KCNK10: variants seen among roughly 807,000 people sequenced by gnomAD.
KCNK10 encodes the protein potassium channel subfamily K member 10.
Under a neutral mutation model 47.7 loss-of-function variants are expected in KCNK10, and 25 were observed. The ratio of observed to expected loss-of-function variants is 0.52; its 90% CI spans 0.38 to 0.73. The LOEUF (loss-of-function observed/expected upper bound fraction) is 0.73, where lower values mean the gene tolerates loss of function less well. Among genes scored for constraint, KCNK10 ranks in the 30% least tolerant of loss-of-function variants. KCNK10 has a pLI of 0.00. For synonymous variants in KCNK10, 303 were observed against 285.6 expected, an observed-to-expected ratio of 1.06 and a Z score of -0.61; for missense variants, 563 against 714.5, an observed-to-expected ratio of 0.79 and a Z score of 2.42.
chr14:88,240,534 G>A (rs932699650), intron 3 of KCNK10, among the ~76,000 whole-genome samples, 169 bp downstream of exon 3: 5 of 152,034 alleles, frequency 3.3e-5, no homozygotes, highest in Non-Finnish European at 5.9e-5. Flanking sequence ...ATTATGCTTT[G>A]GCTTTTGTTG....
At chr14:88,281,547 C>A (rs1887649097) in intron 1 of KCNK10, among the ~76,000 whole-genome samples, 1 of 151,982 alleles carries the variant, frequency 6.6e-6, no homozygotes, top group Non-Finnish European at 1.5e-5. Flanking sequence ...ACTGAAATAT[C>A]GGCTTTTCAG....
chr14:88,298,433 G>A (rs1007452583), intron 1 of KCNK10, among the ~76,000 whole-genome samples: 1 of 152,128 alleles, frequency 6.6e-6, no homozygotes. Flanking sequence ...CTGGAACTGC[G>A]ATCATTATCT....
At chr14:88,282,789 T>G (rs1333063182) in intron 1 of KCNK10, among the ~76,000 whole-genome samples, 1 of 152,174 alleles carries the variant, frequency 6.6e-6, no homozygotes, top group Non-Finnish European at 1.5e-5. Flanking sequence ...TGTAATACCT[T>G]CTTATTCCTA....
chr14:88,201,684 G>T (rs530374021), intron 4 of KCNK10, among the ~76,000 whole-genome samples: 1 of 152,064 alleles, frequency 6.6e-6, no homozygotes, highest in Non-Finnish European at 1.5e-5. Flanking sequence ...AAAATAGAAG[G>T]CTACACTGAA....
rs1253807408 is a variant in KCNK10 at position 88,183,107 on chromosome 14, GA to G, written c.*2427del. On this transcript the variant is annotated 3_prime_UTR_variant, in exon 7 of 7. Transcript: ENST00000319231. The stretch of plus-strand genomic sequence containing the variant: ...ATGACACAGACACTGTAGTGAAGTT[GA>G]AAGCAGACTTTGGTCAGACTTTGAA... 1 of 152,340 alleles carries G rather than the reference GA, an allele frequency of 6.6e-6. No homozygotes were observed. The highest frequency in any genetic ancestry group is 2.4e-5 in the African/African-American group (1 of 41,450). 9.4% of individuals were successfully genotyped at this position (152,340 alleles called of 1,614,324 possible). A position where few individuals can be genotyped will look rare whatever the true frequency, so the allele number is the denominator to read the frequency against.
rs562487198 is a variant in KCNK10, at chr14:88,227,955, G to A, written c.521-420C>T. On this transcript the variant is annotated intron_variant, in intron 3 of 6. Coordinates refer to ENST00000319231, the MANE Select transcript of KCNK10 (RefSeq NM_138317.3). ...CTTACCCATGGGCTCCACCTGGACCGACTGTGGCTGTCTTGAAGGGTAATG... is the reference window on the plus strand; with the variant it reads ...CTTACCCATGGGCTCCACCTGGACCAACTGTGGCTGTCTTGAAGGGTAATG... Among the ~76,000 whole-genome samples the A allele has an allele frequency of 7.2e-5, 11 of 152,264 alleles. 2 individuals carry two copies. The highest frequency in any genetic ancestry group is 5.2e-4 in the Admixed American group (8 of 15,286).
intron 1 of KCNK10, among the ~76,000 whole-genome samples, chr14:88,295,084 C>A (rs1455105652): frequency 6.6e-6 from 1 of 152,170 alleles, no homozygotes; most frequent in Non-Finnish European, 1.5e-5. Flanking sequence ...TAATAAATAC[C>A]TATGATGACA....
At chr14:88,297,127 TA>T (rs1190400283) in intron 1 of KCNK10, among the ~76,000 whole-genome samples, 1 of 152,168 alleles carries the variant, frequency 6.6e-6, no homozygotes, top group African/African-American at 2.4e-5. Context: ...CAGAGCCTGG[TA>T]GGTAGTAAAT....
intron 2 of KCNK10, among the ~76,000 whole-genome samples, chr14:88,259,633 C>T (rs1887053330): frequency 1.3e-5 from 2 of 152,046 alleles, no homozygotes; most frequent in Admixed American, 1.3e-4. Context: ...ATTTTTGTAA[C>T]TTTTTGTACA....
chr14:88,316,379 A>ATATGAGGTC (rs1465136647), intron 1 of KCNK10, among the ~76,000 whole-genome samples: 2 of 152,244 alleles, frequency 1.3e-5, no homozygotes, highest in Admixed American at 6.5e-5. Flanking sequence ...TAGCAAGTAA[A>ATATGAGGTC]TATGAGGTCT....
At position 88,186,009 on chromosome 14, in the gene KCNK10, G is replaced by T. The variant is rs771565677; in HGVS notation, c.1158C>A (p.Gly386=). The T allele has an allele frequency of 2.5e-6, 4 of 1,613,372 alleles. No homozygotes were observed. In the East Asian group the frequency reaches 6.7e-5, roughly 27 times the overall value. Residue 386 remains glycine, a synonymous_variant, in exon 7 of 7, where the codon GGC becomes GGA. Transcript: ENST00000319231. This position sits in a 1 kb window ranked among gnomAD's most constrained non-coding sequence, Gnocchi z 5.5. ...CCAGTGAGTGGGCCCGCTGGTCCAG[G>T]CCCAGCCGCCGGCGCTCCATGCTGC... ...TIRSMERRRL[G]LDQRAHSLDM...
At chr14:88,279,379 G>C (rs1013437165) in intron 1 of KCNK10, among the ~76,000 whole-genome samples, 2,024 of 150,086 alleles carry the variant, frequency 0.013, 50 homozygotes, top group African/African-American at 0.048. Context: ...GTGTGTGTGT[G>C]TGTGTGTGTG....
In KCNK10 at chr14:88,268,936, G is replaced by A. The variant is rs533905700; in HGVS notation, c.53-5385C>T. ...CAGCACTTTGGGAGGCTGGGAGTTCGAGACCAACCTGGCCAACATGGTGAA... is the reference window on the plus strand; with the variant it reads ...CAGCACTTTGGGAGGCTGGGAGTTCAAGACCAACCTGGCCAACATGGTGAA... On this transcript the variant is annotated intron_variant, in intron 1 of 6. Transcript: ENST00000319231. Among the ~76,000 whole-genome samples the A allele has an allele frequency of 5.9e-5, 9 of 152,232 alleles. No homozygotes were observed. In the East Asian group the frequency reaches 1.4e-3, roughly 23 times the overall value.
intron 4 of KCNK10, among the ~76,000 whole-genome samples, chr14:88,194,680 GGT>G (rs1884852411): frequency 6.6e-6 from 1 of 152,124 alleles, no homozygotes. Flanking sequence ...CAGACAAGGA[GGT>G]GTATAACAAA....
At chr14:88,315,301 C>A (rs1888408042) in intron 1 of KCNK10, among the ~76,000 whole-genome samples, 1 of 152,118 alleles carries the variant, frequency 6.6e-6, no homozygotes, top group Non-Finnish European at 1.5e-5. Context: ...CCAGGTTAGT[C>A]CACAGTTAAC....
rs1234031391 is a variant in KCNK10, at chr14:88,182,472, C to G, written c.*3063G>C. On this transcript the variant is annotated 3_prime_UTR_variant, in exon 7 of 7. Coordinates refer to ENST00000319231, the MANE Select transcript of KCNK10 (RefSeq NM_138317.3). ...AAGTAACTTCAAACCAACTGGCCTCCTCCAAAATTAGTTTATATGAAGAGG... is the reference window on the plus strand; with the variant it reads ...AAGTAACTTCAAACCAACTGGCCTCGTCCAAAATTAGTTTATATGAAGAGG... The G allele has an allele frequency of 1.3e-5, 2 of 152,350 alleles. No homozygotes were observed. The highest frequency in any genetic ancestry group is 2.4e-5 in the African/African-American group (1 of 41,458). 9.4% of individuals were successfully genotyped at this position (152,350 alleles called of 1,614,324 possible). A position where few individuals can be genotyped will look rare whatever the true frequency, so the allele number is the denominator to read the frequency against.
At chr14:88,249,794 T>C (rs538494224) in intron 2 of KCNK10, among the ~76,000 whole-genome samples, 1 of 152,310 alleles carries the variant, frequency 6.6e-6, no homozygotes, top group African/African-American at 2.4e-5. Flanking sequence ...CATGCCAGAA[T>C]TGGCTAGCGA....
intron 1 of KCNK10, among the ~76,000 whole-genome samples, chr14:88,264,667 T>C (rs1232396756): frequency 6.6e-6 from 1 of 152,254 alleles, no homozygotes; most frequent in East Asian, 1.9e-4. Flanking sequence ...AATCAGTTTC[T>C]GTCTTTGGAA....
intron 2 of KCNK10, among the ~76,000 whole-genome samples, chr14:88,246,804 T>A (rs1490262947): frequency 6.6e-6 from 1 of 152,228 alleles, no homozygotes; most frequent in African/African-American, 2.4e-5. Context: ...TGAACCTTGA[T>A]TTCCTCATCT....
Sources: allele counts gnomAD v4.1 joint callset (sites outside exome capture counted in the v4.1 genomes callset), GRCh38; gene constraint gnomAD v4.1.1; non-coding constraint Gnocchi (gnomAD v3.1); transcripts MANE v1.5; gene names NCBI Gene and HGNC (gene_info 2026-07-23, HGNC 2026-07-21).